Variants in PEPD observed in about 807,000 individuals in gnomAD.
The protein encoded by PEPD is xaa-Pro dipeptidase.
In PEPD, 53 loss-of-function variants were observed where a neutral mutation model predicts 60.7. That is an observed-to-expected ratio of 0.87 (90% confidence interval 0.70 to 1.10). PEPD has a LOEUF of 1.10. Among genes scored for constraint, PEPD ranks in the 50% least tolerant of loss-of-function variants. PEPD has a pLI of 0.00. For synonymous variants in PEPD, 267 were observed against 284.1 expected (o/e 0.94, Z 0.60); for missense variants, 711 against 711.9 (o/e 1.00, Z 0.01).
In PEPD at chr19:33,463,973, G is replaced by C; in HGVS notation, c.624+14C>G. 6.3e-7 allele frequency: 1 copy of C among 1,580,490 alleles called. No individual in the cohort carries two copies. Among genetic ancestry groups the C allele is most frequent in the Middle Eastern group, 1.7e-4 (1 of 5,998 alleles). On this transcript the variant is annotated intron_variant, in intron 8 of 14. Transcript: ENST00000244137. ...CTGCTTTCCCCACTCAACCAGAGCC[G>C]GTGCCTGACTTACCTCACGGTGGGC...
intron 4 of PEPD, among the ~76,000 whole-genome samples, chr19:33,499,673 G>A (rs1056040556): frequency 1.3e-5 from 2 of 152,242 alleles, no homozygotes; most frequent in African/African-American, 2.4e-5. Context: ...GTGGGCCAGA[G>A]TCTACAGCAG....
intron 12 of PEPD, among the ~76,000 whole-genome samples, chr19:33,397,109 G>A (rs1320199154): frequency 6.6e-6 from 1 of 152,094 alleles, no homozygotes; most frequent in Non-Finnish European, 1.5e-5. Flanking sequence ...GGCCTGCCCT[G>A]CCACCCGCCT....
At chr19:33,439,132 G>A (rs937174471) in intron 9 of PEPD, among the ~76,000 whole-genome samples, 1 of 152,258 alleles carries the variant, frequency 6.6e-6, no homozygotes, top group Non-Finnish European at 1.5e-5. Flanking sequence ...GGGGCTGCTT[G>A]AGACGTCATG....
chr19:33,513,265 C>T (rs1970962777), intron 1 of PEPD, among the ~76,000 whole-genome samples: 1 of 152,292 alleles, frequency 6.6e-6, no homozygotes, highest in Non-Finnish European at 1.5e-5. Context: ...TGGCTCCCTC[C>T]CTCAGCTCAG....
intron 9 of PEPD, among the ~76,000 whole-genome samples, chr19:33,458,684 CTGTGGTG>C (rs796221100): frequency 0.017 from 1,542 of 88,552 alleles, 23 homozygotes; most frequent in South Asian, 0.11. Context: ...TGGTGGAGGT[CTGTGGTG>C]TGTGGTGTGT....
Position 33,494,651 on chromosome 19 carries a change from G to C in PEPD, c.394-1314C>G, listed in dbSNP as rs772906060. Among the ~76,000 whole-genome samples, 43 of 152,354 alleles carry C rather than the reference G, an allele frequency of 2.8e-4. 1 individual carries two copies. The highest frequency in any genetic ancestry group is 5.4e-4 in the Non-Finnish European group (37 of 68,040). On this transcript the variant is annotated intron_variant, in intron 4 of 14. Transcript: ENST00000244137. ...CGCTGGGGACAGTAAACGTCCAGTA[G>C]GTCGCTGAAGACGGCCTGTGCCAGT...
intron 11 of PEPD, among the ~76,000 whole-genome samples, chr19:33,410,990 C>T (rs1321896891): frequency 6.6e-6 from 1 of 152,218 alleles, no homozygotes. Flanking sequence ...CCCGGGGCAG[C>T]GGCCCAGCTG....
At chr19:33,452,526 T>C (rs1279820861) in intron 9 of PEPD, among the ~76,000 whole-genome samples, 1 of 151,078 alleles carries the variant, frequency 6.6e-6, no homozygotes, top group Non-Finnish European at 1.5e-5. Context: ...AAAAGGCCAA[T>C]AAAGAAGATA....
chr19:33,475,770 T>C (rs1970203456), intron 7 of PEPD, among the ~76,000 whole-genome samples: 1 of 152,238 alleles, frequency 6.6e-6, no homozygotes, highest in African/African-American at 2.4e-5. Context: ...GATTTATTCT[T>C]CTGCCAAATG....
chr19:33,433,342 G>A (rs908762570), intron 9 of PEPD, among the ~76,000 whole-genome samples: 7 of 152,276 alleles, frequency 4.6e-5, no homozygotes, highest in Middle Eastern at 3.4e-3. Flanking sequence ...AAGGGGGCAC[G>A]CCCACTCCAC....
At chr19:33,462,142 G>A (rs769238915) in intron 9 of PEPD, among the ~76,000 whole-genome samples, 2 of 152,188 alleles carry the variant, frequency 1.3e-5, no homozygotes, top group Non-Finnish European at 2.9e-5. Flanking sequence ...CCCCAGGGCC[G>A]GGGCTCTGAA....
rs115090072 is a variant in PEPD, at chr19:33,425,738, G to A, written c.672-12095C>T. On this transcript the variant is annotated intron_variant, in intron 9 of 14. Transcript: ENST00000244137. ...AACGATTAAGCAGATAATAGTAGAG[G>A]TGAGACAAGAACTTGACCAAAACTG... Among the ~76,000 whole-genome samples, 452 of 152,326 alleles carry A rather than the reference G, an allele frequency of 3.0e-3. 2 individuals are homozygous for A. Among genetic ancestry groups the A allele is most frequent in the African/African-American group, 0.01 (430 of 41,568 alleles).
rs1453066562 is a variant in PEPD at position 33,470,225 on chromosome 19, T to TAGGCCTCC, written c.549-6171_549-6164dup. Reference sequence around the variant, plus strand: ...TGGCCTGGACAAGCCCTCCAGCCTCTAGGCCTCCAGCCCACCTGCCCTGAT... The same window carrying TAGGCCTCC: ...TGGCCTGGACAAGCCCTCCAGCCTCTAGGCCTCCAGGCCTCCAGCCCACCTGCCCTGAT... On this transcript the variant is annotated intron_variant, in intron 7 of 14. Transcript: ENST00000244137. Among the ~76,000 whole-genome samples, 5 of 152,216 alleles carry TAGGCCTCC rather than the reference T, an allele frequency of 3.3e-5. No homozygotes were observed. The East Asian group carries it at 9.7e-4, about 29-fold the overall frequency.
intron 9 of PEPD, among the ~76,000 whole-genome samples, chr19:33,439,319 G>A (rs1272081725): frequency 1.3e-5 from 2 of 152,232 alleles, no homozygotes; most frequent in South Asian, 2.1e-4. Flanking sequence ...CACCTGAGCC[G>A]AGGGGTCCTG....
intron 13 of PEPD, 79 bp from the exon 14 acceptor site, chr19:33,388,160 A>G: frequency 8.2e-7 from 1 of 1,213,258 alleles, no homozygotes; most frequent in Non-Finnish European, 1.2e-6. Flanking sequence ...TGGGCATGTG[A>G]GGGCCGGTGC....
chr19:33,509,601 G>A (rs1970882510), intron 3 of PEPD, among the ~76,000 whole-genome samples: 1 of 152,268 alleles, frequency 6.6e-6, no homozygotes, highest in East Asian at 1.9e-4. Context: ...CCCTGTGGCA[G>A]CCAGGGGCCT....
At chr19:33,454,173 A>G (rs1969753449) in intron 9 of PEPD, among the ~76,000 whole-genome samples, 1 of 152,236 alleles carries the variant, frequency 6.6e-6, no homozygotes. Flanking sequence ...CTCCAAAACT[A>G]AAATGACGGG....
chr19:33,421,498 T>C (rs77091279), intron 9 of PEPD, among the ~76,000 whole-genome samples: 20,543 of 152,156 alleles, frequency 0.14, 1,865 homozygotes, highest in African/African-American at 0.26. Flanking sequence ...TGTTTTTCAT[T>C]TTTATTTTTA....
chr19:33,423,095 TCATCCATCCATC>T (rs56734200), intron 9 of PEPD, among the ~76,000 whole-genome samples: 79 of 147,458 alleles, frequency 5.4e-4, no homozygotes, highest in African/African-American at 1.7e-3. Flanking sequence ...TACCTACTTA[TCATCCATCCATC>T]CATCCATCCA....
Sources: allele counts gnomAD v4.1 joint callset (sites outside exome capture counted in the v4.1 genomes callset), GRCh38; gene constraint gnomAD v4.1.1; transcripts MANE v1.5; gene names NCBI Gene and HGNC (gene_info 2026-07-23, HGNC 2026-07-21).